RNF19A: variants seen among roughly 807,000 people sequenced by gnomAD.
The protein encoded by RNF19A is ring finger protein 19A, RBR E3 ubiquitin protein ligase, also known as E3 ubiquitin-protein ligase RNF19A.
Under a neutral mutation model 75.7 loss-of-function variants are expected in RNF19A, and 32 were observed. The ratio of observed to expected loss-of-function variants is 0.42; its 90% CI spans 0.32 to 0.57. The LOEUF is 0.57. Among genes scored for constraint, RNF19A ranks in the 20% least tolerant of loss-of-function variants. The pLI, the probability that RNF19A is intolerant of heterozygous loss-of-function variation, is 0.10. For missense variants in RNF19A, 782 were observed against 1,036.3 expected, an observed-to-expected ratio of 0.75 and a Z score of 3.37; for synonymous variants, 335 against 345.2, an observed-to-expected ratio of 0.97 and a Z score of 0.33.
chr8:100,271,261 G>A (rs762852363), intron 3 of RNF19A, among the ~76,000 whole-genome samples: 10 of 151,538 alleles, frequency 6.6e-5, no homozygotes, highest in African/African-American at 1.2e-4. Context: ...AGCCAGACCA[G>A]GACAATTGAT....
In RNF19A at chr8:100,258,701, T is replaced by C. The variant is rs2132472100; in HGVS notation, c.2372A>G (p.Gln791Arg). The C allele has an allele frequency of 1.2e-6, 2 of 1,614,218 alleles. No individual in the cohort carries two copies. The highest frequency in any genetic ancestry group is 2.2e-5 in the East Asian group (1 of 44,890). The change falls in exon 10 of 10, where the codon CAG becomes CGG. Residue 791 changes from glutamine to arginine, a missense_variant. By Grantham distance (43) the Gln-to-Arg change is conservative. This residue lies in a region of RNF19A where 442 missense variants were observed against 541.6 expected (regional missense o/e 0.82). Coordinates refer to ENST00000341084, the MANE Select transcript of RNF19A (RefSeq NM_183419.4). This position sits in a 1 kb window ranked among gnomAD's most constrained non-coding sequence, Gnocchi z 4.3. The part of the protein sequence containing the change: ...TQTASCSEVS[Q>R]LNHIAEEHGN... The stretch of plus-strand genomic sequence containing the variant: ...ATGTTCTTCAGCAATATGATTCAAC[T>C]GTGAAACTTCTGAACAGGAAGCAGT...
chr8:100,276,946 A>G (rs1467471048), intron 2 of RNF19A, among the ~76,000 whole-genome samples: 17 of 151,446 alleles, frequency 1.1e-4, no homozygotes. Context: ...ATATTGTTCT[A>G]TAACTTGTGC....
At chr8:100,311,648 G>A (rs1822295160), upstream of RNF19A, among the ~76,000 whole-genome samples, 1 of 151,308 alleles carries the variant, frequency 6.6e-6, no homozygotes, top group African/African-American at 2.4e-5. Flanking sequence ...AACCCGGGCG[G>A]CGGAGCTTGT....
chr8:100,262,540 A>C (rs1355462079), intron 7 of RNF19A, among the ~76,000 whole-genome samples: 1 of 152,142 alleles, frequency 6.6e-6, no homozygotes, highest in Admixed American at 6.6e-5. Context: ...GAGGGTGACA[A>C]GAGATGAGCT....
At chr8:100,327,256 T>TTTTTA (rs1822547280) in intron 1 of RNF19A, among the ~76,000 whole-genome samples, 2 of 137,920 alleles carry the variant, frequency 1.5e-5, no homozygotes, top group Non-Finnish European at 3.1e-5. Context: ...TTTTTTTTTT[T>TTTTTA]TTTTTTTTTT....
chr8:100,299,257 T>C (rs1054784108), intron 1 of RNF19A, among the ~76,000 whole-genome samples: 9 of 152,192 alleles, frequency 5.9e-5, no homozygotes, highest in African/African-American at 2.2e-4. Flanking sequence ...TATACAAATA[T>C]ATAGGCAGTT....
At chr8:100,288,984 C>T (rs745681993) in intron 1 of RNF19A, among the ~76,000 whole-genome samples, 4 of 147,826 alleles carry the variant, frequency 2.7e-5, no homozygotes, top group African/African-American at 1.0e-4. Context: ...GGCGTGAACC[C>T]GGGAAGTGGA....
chr8:100,276,107 C>T (rs1480375767), intron 2 of RNF19A, among the ~76,000 whole-genome samples: 1 of 152,034 alleles, frequency 6.6e-6, no homozygotes, highest in Non-Finnish European at 1.5e-5. Context: ...GGCATTTATC[C>T]CAAACAAATG....
chr8:100,276,031 T>C (rs1271957156), intron 2 of RNF19A, among the ~76,000 whole-genome samples: 1 of 152,184 alleles, frequency 6.6e-6, no homozygotes, highest in Non-Finnish European at 1.5e-5. Flanking sequence ...CTAGCAGGAA[T>C]ACCTTTCTCC....
chr8:100,335,653 T>C lies in RNF19A; in HGVS notation c.-243+455A>G, dbSNP rs73284807. Among the ~76,000 whole-genome samples the C allele has an allele frequency of 6.6e-3, 1,002 of 152,374 alleles. 10 individuals are homozygous for C. The highest frequency in any genetic ancestry group is 0.023 in the African/African-American group (945 of 41,586). ...TAACCTTTTCTTAAAGACTTCATGT[T>C]ACTGTCATAGACTTTATCTGGGGAG... On this transcript the variant is annotated intron_variant, in intron 1 of 3. Transcript: ENST00000519527.
intron 3 of RNF19A, among the ~76,000 whole-genome samples, chr8:100,272,020 GA>G (rs569947753): frequency 1.3e-3 from 202 of 152,138 alleles, no homozygotes; most frequent in African/African-American, 4.5e-3. Context: ...GTCATATTAA[GA>G]AAAAACAACA....
chr8:100,327,731 C>T (rs764058122), intron 1 of RNF19A, among the ~76,000 whole-genome samples: 2 of 152,064 alleles, frequency 1.3e-5, no homozygotes, highest in African/African-American at 4.8e-5. Flanking sequence ...GGAAAACATC[C>T]GGTTCCTCTT....
At chr8:100,335,407 G>A (rs2130432899) in intron 1 of RNF19A, among the ~76,000 whole-genome samples, 1 of 152,114 alleles carries the variant, frequency 6.6e-6, no homozygotes, top group East Asian at 1.9e-4. Context: ...GCAGAGCCAA[G>A]ATTAGAAAAT....
chr8:100,304,231 G>C (rs958285332), intron 1 of RNF19A, among the ~76,000 whole-genome samples: 2 of 152,092 alleles, frequency 1.3e-5, no homozygotes, highest in Admixed American at 6.6e-5. Flanking sequence ...CAAAGTGCTG[G>C]AATTACAAGC....
rs1819643446 is a variant in RNF19A, at chr8:100,260,077, A to G, written c.1683-80T>C. ...ATATGTATCTTTAAATAATTCAGTT[A>G]AGAACCCTAGTAACCAGAAGCTATT... On this transcript the variant is annotated intron_variant, in intron 8 of 9. Coordinates refer to ENST00000341084, the MANE Select transcript of RNF19A (RefSeq NM_183419.4). This position sits in a 1 kb window ranked among gnomAD's most constrained non-coding sequence, Gnocchi z 4.1. The G allele has an allele frequency of 2.4e-6, 3 of 1,273,320 alleles. No individual in the cohort carries two copies. In the East Asian group the frequency reaches 7.0e-5, roughly 30 times the overall value. 78.9% of individuals were successfully genotyped at this position (1,273,320 alleles called of 1,614,324 possible).
chr8:100,278,104 A>T (rs996763659), intron 2 of RNF19A, among the ~76,000 whole-genome samples: 13 of 152,206 alleles, frequency 8.5e-5, no homozygotes, highest in Admixed American at 2.0e-4. Context: ...TCTCCCAACA[A>T]CTAAGTTTTC....
intron 1 of RNF19A, among the ~76,000 whole-genome samples, chr8:100,298,965 T>C (rs1021182146): frequency 6.6e-6 from 1 of 152,190 alleles, no homozygotes; most frequent in African/African-American, 2.4e-5. Context: ...AGTTTTTAAA[T>C]AGGTTTAAAA....
chr8:100,274,586 C>T (rs1356482769), intron 3 of RNF19A, among the ~76,000 whole-genome samples: 3 of 152,060 alleles, frequency 2.0e-5, no homozygotes, highest in African/African-American at 4.8e-5. Flanking sequence ...GGTTTCACCA[C>T]GTAGCCCAGG....
intron 1 of RNF19A, among the ~76,000 whole-genome samples, chr8:100,299,472 T>G (rs758751976): frequency 1.3e-5 from 2 of 152,180 alleles, no homozygotes; most frequent in Non-Finnish European, 2.9e-5. Context: ...AAGTATTAAG[T>G]GTTTGGACCG....
Sources: gnomAD v4.1 joint callset for allele counts (sites outside exome capture counted in the v4.1 genomes callset) on GRCh38, gnomAD v4.1.1 for gene constraint, gnomAD v4.1.1 regional missense constraint, Gnocchi (gnomAD v3.1) non-coding constraint, MANE v1.5 for transcripts, NCBI Gene and HGNC (gene_info 2026-07-23, HGNC 2026-07-21) for gene names.